The following FHOD3 variants were observed in gnomAD, a reference collection of about 807,000 sequenced individuals.
The protein encoded by FHOD3 is formin homology 2 domain containing 3.
In FHOD3, 90 loss-of-function variants were observed where a neutral mutation model predicts 173.0. That is an observed-to-expected ratio of 0.52 (90% CI 0.44 to 0.62). The LOEUF (loss-of-function observed/expected upper bound fraction) is 0.62, where lower values mean the gene tolerates loss of function less well. Ranked by LOEUF, FHOD3 falls within the 20% of genes least tolerant of loss-of-function variation. The probability of loss-of-function intolerance (pLI) is 0.00; values close to 1 mark genes in which losing one functional copy is unlikely to be tolerated. For missense variants in FHOD3, 1,945 were observed against 2,034.7 expected, an observed-to-expected ratio of 0.96 and a Z score of 0.85; for synonymous variants, 828 against 823.0, an observed-to-expected ratio of 1.01 and a Z score of -0.10.
chr18:36,746,862 C>A, intron 23 of FHOD3, 83 bp from the exon 24 acceptor site: 1 of 1,045,740 alleles, frequency 9.6e-7, no homozygotes, highest in Non-Finnish European at 1.4e-6. Context: ...ATGTTTGTTT[C>A]TCCCCAGAGG....
intron 3 of FHOD3, among the ~76,000 whole-genome samples, chr18:36,461,260 A>T (rs1415960017): frequency 6.6e-6 from 1 of 152,098 alleles, no homozygotes; most frequent in East Asian, 1.9e-4. Flanking sequence ...CCTTCTTTCC[A>T]TTGCTCTTTC....
chr18:36,642,930 C>T (rs984463972), intron 10 of FHOD3, among the ~76,000 whole-genome samples: 12 of 151,018 alleles, frequency 7.9e-5, no homozygotes, highest in Admixed American at 3.3e-4. Context: ...CTTCAATGGA[C>T]GTATTTTTTA....
At chr18:36,582,411 T>C (rs780989908) in intron 6 of FHOD3, among the ~76,000 whole-genome samples, 2 of 152,240 alleles carry the variant, frequency 1.3e-5, no homozygotes, top group African/African-American at 4.8e-5. Context: ...CCTGACATCA[T>C]CAGTCCCATT....
chr18:36,356,051 T>C (rs1298051032), intron 2 of FHOD3, among the ~76,000 whole-genome samples: 2 of 152,194 alleles, frequency 1.3e-5, no homozygotes, highest in Admixed American at 1.3e-4. Context: ...AAGTCATGAT[T>C]GTGCCACTGC....
At chr18:36,483,672 C>G (rs966626344) in intron 3 of FHOD3, among the ~76,000 whole-genome samples, 4 of 152,178 alleles carry the variant, frequency 2.6e-5, no homozygotes, top group African/African-American at 9.7e-5. Context: ...AGAACTGGTA[C>G]AGAGATTGTC....
intron 19 of FHOD3, among the ~76,000 whole-genome samples, chr18:36,726,573 T>C (rs2041083132): frequency 6.6e-6 from 1 of 152,202 alleles, no homozygotes; most frequent in South Asian, 2.1e-4. Flanking sequence ...TTATATCCTC[T>C]TCCCATCATT....
At chr18:36,710,457 A>G (rs1319445427) in intron 18 of FHOD3, 1 of 152,220 alleles carries the variant, frequency 6.6e-6, no homozygotes, top group Non-Finnish European at 1.5e-5. Flanking sequence ...TTAAAAATAC[A>G]TTGTCTCAGA....
intron 5 of FHOD3, among the ~76,000 whole-genome samples, chr18:36,551,850 A>T (rs1225149964): frequency 6.6e-6 from 1 of 151,974 alleles, no homozygotes; most frequent in African/African-American, 2.4e-5. Context: ...TCTTCCATTG[A>T]TCTATGTCTC....
chr18:36,777,164 G>C (rs2043722354), intron 28 of FHOD3, among the ~76,000 whole-genome samples: 2 of 150,890 alleles, frequency 1.3e-5, no homozygotes, highest in African/African-American at 4.9e-5. Context: ...AAGATGCCCA[G>C]CTAGTGCAGC....
intron 10 of FHOD3, among the ~76,000 whole-genome samples, chr18:36,638,519 G>A (rs528194801): frequency 2.6e-5 from 4 of 152,230 alleles, no homozygotes; most frequent in East Asian, 1.9e-4. Context: ...GGTGGGGATC[G>A]GATTGGAGGC....
intron 3 of FHOD3, among the ~76,000 whole-genome samples, chr18:36,465,197 G>A (rs1455163207): frequency 2.0e-5 from 3 of 152,032 alleles, no homozygotes; most frequent in Admixed American, 6.6e-5. Flanking sequence ...GCATGGTGGC[G>A]GGCACCTGTA....
chr18:36,332,946 C>A (rs2045100665), intron 1 of FHOD3, among the ~76,000 whole-genome samples: 1 of 152,264 alleles, frequency 6.6e-6, no homozygotes, highest in Non-Finnish European at 1.5e-5. Flanking sequence ...ACTCTGCCTG[C>A]TGGGGCAGGC....
intron 8 of FHOD3, among the ~76,000 whole-genome samples, chr18:36,603,830 C>G (rs1448036203): frequency 2.0e-5 from 3 of 152,106 alleles, no homozygotes; most frequent in Non-Finnish European, 4.4e-5. Context: ...ATCATTTTTC[C>G]TTGAGGGAAT....
At chr18:36,742,664 T>C in intron 21 of FHOD3, 73 bp from the exon 22 acceptor site, 1 of 1,513,320 alleles carries the variant, frequency 6.6e-7, no homozygotes, top group Non-Finnish European at 9.0e-7. Context: ...TATTCCCTTA[T>C]ACAAAAAGTC....
chr18:36,538,970 A>G (rs1426237759), intron 5 of FHOD3, among the ~76,000 whole-genome samples: 7 of 152,212 alleles, frequency 4.6e-5, no homozygotes, highest in Non-Finnish European at 1.0e-4. Flanking sequence ...AGATATAATC[A>G]CTGAGGGAAA....
At chr18:36,339,752 C>T (rs1454794592) in intron 1 of FHOD3, among the ~76,000 whole-genome samples, 2 of 152,104 alleles carry the variant, frequency 1.3e-5, no homozygotes, top group Admixed American at 1.3e-4. Context: ...CTACATATGT[C>T]CAGTGAGTAT....
chr18:36,401,994 A>ACTTCT (rs1360992012), intron 3 of FHOD3, among the ~76,000 whole-genome samples: 1 of 152,216 alleles, frequency 6.6e-6, no homozygotes, highest in Non-Finnish European at 1.5e-5. Flanking sequence ...GTATGTCTTC[A>ACTTCT]CTTCTCTTGC....
chr18:36,561,273 C>A (rs1311165274), intron 5 of FHOD3, among the ~76,000 whole-genome samples: 1 of 152,190 alleles, frequency 6.6e-6, no homozygotes, highest in Non-Finnish European at 1.5e-5. Context: ...GTAATTACAG[C>A]TGCTGGGGAA....
chr18:36,571,815 A>G (rs2058462928), intron 5 of FHOD3, among the ~76,000 whole-genome samples: 1 of 152,240 alleles, frequency 6.6e-6, no homozygotes, highest in Non-Finnish European at 1.5e-5. Flanking sequence ...ACCTCAATCT[A>G]TGCTTCTTTG....
Sources: gnomAD v4.1 joint callset for allele counts (sites outside exome capture counted in the v4.1 genomes callset) on GRCh38, gnomAD v4.1.1 for gene constraint, MANE v1.5 for transcripts, NCBI Gene and HGNC (gene_info 2026-07-23, HGNC 2026-07-21) for gene names.